Variants in VPS13D observed in about 807,000 individuals in gnomAD.
VPS13D encodes vacuolar protein sorting 13 homolog D, also known as intermembrane lipid transfer protein VPS13D.
A neutral mutation model predicts 461.9 loss-of-function variants in VPS13D; 187 were observed. The ratio of observed to expected loss-of-function variants is 0.40; its 90% confidence interval spans 0.36 to 0.46. The LOEUF (loss-of-function observed/expected upper bound fraction) is 0.46, where lower values mean the gene tolerates loss of function less well. Among genes scored for constraint, VPS13D ranks in the 20% least tolerant of loss-of-function variants. VPS13D has a pLI of 0.60. For missense variants in VPS13D, 4,711 were observed against 5,364.9 expected (o/e 0.88, Z 3.81); for synonymous variants, 1,951 against 1,986.3 (o/e 0.98, Z 0.47).
intron 67 of VPS13D, among the ~76,000 whole-genome samples, chr1:12,474,680 A>AT (rs1645606926): frequency 6.6e-6 from 1 of 152,218 alleles, no homozygotes; most frequent in Admixed American, 6.5e-5. Flanking sequence ...GAAAATGAAC[A>AT]TTTTCTAGAT....
intron 39 of VPS13D, chr1:12,336,100 G>T (rs533071300): frequency 8.6e-6 from 3 of 349,014 alleles, no homozygotes; most frequent in South Asian, 7.0e-5. Context: ...ATATGAACTG[G>T]TGCACCTGAG....
intron 67 of VPS13D, among the ~76,000 whole-genome samples, chr1:12,470,109 A>G (rs1350793874): frequency 6.6e-6 from 1 of 152,222 alleles, no homozygotes; most frequent in Non-Finnish European, 1.5e-5. Context: ...AGATTTCCCC[A>G]AACATACTTC....
intron 17 of VPS13D, among the ~76,000 whole-genome samples, chr1:12,271,548 A>C (rs915903549): frequency 1.3e-5 from 2 of 152,128 alleles, no homozygotes; most frequent in Non-Finnish European, 1.5e-5. Flanking sequence ...GGGTCCCTGT[A>C]ATCCCAGCTG....
Position 12,277,804 on chromosome 1 carries a change from T to C in VPS13D, c.4216T>C (p.Phe1406Leu), listed in dbSNP as rs1310691000. ...ELLVGHLGQI[F>L]IQNFVAGDDE... ...GTTGGTGGGACACTTGGGACAGATATTCATCCAGAATTTTGTGGCGGGAGA... is the reference window on the plus strand; with the variant it reads ...GTTGGTGGGACACTTGGGACAGATACTCATCCAGAATTTTGTGGCGGGAGA... Residue 1406 changes from phenylalanine (F) to leucine (L), a missense_variant, in exon 19 of 70, where the codon TTC becomes CTC. Phe to Leu is a conservative substitution (Grantham distance 22, BLOSUM62 0). Coordinates refer to ENST00000620676, the MANE Select transcript of VPS13D (RefSeq NM_015378.4). 13 of 1,614,184 alleles carry C rather than the reference T, an allele frequency of 8.1e-6. No homozygotes were observed. Among genetic ancestry groups the C allele is most frequent in the South Asian group, 3.3e-5 (3 of 91,076 alleles).
At chr1:12,480,905 C>G (rs1351295431) in intron 67 of VPS13D, among the ~76,000 whole-genome samples, 1 of 152,212 alleles carries the variant, frequency 6.6e-6, no homozygotes, top group Non-Finnish European at 1.5e-5. Context: ...AGAGCAGTAA[C>G]TGAAGACTCA....
At chr1:12,401,118 T>C (rs1460913106) in intron 61 of VPS13D, among the ~76,000 whole-genome samples, 1 of 152,130 alleles carries the variant, frequency 6.6e-6, no homozygotes, top group Non-Finnish European at 1.5e-5. Context: ...ATGATAAACT[T>C]TCTTTCTTGG....
intron 6 of VPS13D, among the ~76,000 whole-genome samples, chr1:12,250,421 G>C (rs546992873): frequency 6.6e-5 from 10 of 152,238 alleles, no homozygotes; most frequent in African/African-American, 2.2e-4. Context: ...AACTTCCAAG[G>C]GTTTTAGGAA....
At chr1:12,307,878 C>T (rs531660404) in intron 26 of VPS13D, among the ~76,000 whole-genome samples, 1 of 152,050 alleles carries the variant, frequency 6.6e-6, no homozygotes, top group Non-Finnish European at 1.5e-5. Flanking sequence ...AAGGATTACT[C>T]AGGTATTTGG....
intron 30 of VPS13D, among the ~76,000 whole-genome samples, chr1:12,316,804 G>A (rs1213717666): frequency 1.4e-5 from 2 of 145,404 alleles, no homozygotes; most frequent in Non-Finnish European, 3.0e-5. Flanking sequence ...CCAGAAAACC[G>A]CATTCAAGTG....
At chr1:12,381,990 CT>C (rs1373348612) in intron 57 of VPS13D, among the ~76,000 whole-genome samples, 3 of 138,598 alleles carry the variant, frequency 2.2e-5, no homozygotes, top group Admixed American at 7.7e-5. Context: ...TTCTCTCTCT[CT>C]CTCTCCTTCC....
In VPS13D at chr1:12,354,080, C is replaced by A; in HGVS notation, c.9538C>A (p.Leu3180Ile). 1 of 1,614,154 alleles carries A rather than the reference C, an allele frequency of 6.2e-7. No individual in the cohort carries two copies. Among genetic ancestry groups the A allele is most frequent in the South Asian group, 1.1e-5 (1 of 91,080 alleles). The part of the protein sequence containing the change: ...IFRQPGHTIY[L>I]LPTVVICNLL... The stretch of plus-strand genomic sequence containing the variant: ...CAGACAGCCTGGGCATACCATATAT[C>A]TCCTGCCAACTGTGGTAATCTGCAA... Residue 3180 changes from leucine to isoleucine, a missense_variant, in exon 47 of 70, where the codon CTC becomes ATC. This residue lies in a region of VPS13D where 4,411 missense variants were observed against 4,937.8 expected (regional missense o/e 0.89). Transcript: ENST00000620676.
Position 12,401,655 on chromosome 1 carries a change from A to T in VPS13D, c.11832A>T (p.Lys3944Asn). 1.9e-6 allele frequency: 3 copies of T among 1,613,616 alleles called. No individual in the cohort carries two copies. Among genetic ancestry groups the T allele is most frequent in the Non-Finnish European group, 2.5e-6 (3 of 1,179,592 alleles). Residue 3944 changes from lysine (K) to asparagine (N), a missense_variant, in exon 62 of 70, where the codon AAA becomes AAT. This residue lies in a region of VPS13D where 4,411 missense variants were observed against 4,937.8 expected (regional missense o/e 0.89). Transcript: ENST00000620676. ...AQRFTVQIEE[K>N]LLLKLLSFFG... ...GATTCACAGTGCAAATTGAGGAGAAACTGCTCCTCAAGCTGCTAAGTTTCT... is the reference window on the plus strand; with the variant it reads ...GATTCACAGTGCAAATTGAGGAGAATCTGCTCCTCAAGCTGCTAAGTTTCT...
At chr1:12,247,886 A>AT (rs573458027) in intron 5 of VPS13D, among the ~76,000 whole-genome samples, 223 of 118,816 alleles carry the variant, frequency 1.9e-3, no homozygotes, top group Middle Eastern at 9.0e-3. Flanking sequence ...GTATTTTTGT[A>AT]TTTTTTTTTT....
chr1:12,303,812 A>G (rs900922556), intron 25 of VPS13D, among the ~76,000 whole-genome samples: 4 of 152,226 alleles, frequency 2.6e-5, no homozygotes, highest in African/African-American at 9.6e-5. Context: ...GGGAAGCTTA[A>G]AAGTCAATTA....
intron 65 of VPS13D, among the ~76,000 whole-genome samples, chr1:12,430,896 G>A (rs2100297270): frequency 1.3e-5 from 2 of 152,354 alleles, no homozygotes; most frequent in Middle Eastern, 6.8e-3. Context: ...TTTGTGTCCA[G>A]TAGAATTAGC....
intron 55 of VPS13D, among the ~76,000 whole-genome samples, chr1:12,374,138 A>G (rs756403737): frequency 5.3e-5 from 8 of 152,264 alleles, no homozygotes; most frequent in Non-Finnish European, 4.4e-5. Flanking sequence ...TAAGCAGACA[A>G]GAACAAATTT....
In VPS13D at chr1:12,379,500, G is replaced by A; in HGVS notation, c.11094G>A (p.Leu3698=). ...AAVTDNRYEP[L]MLRKPDRRRS... ...TTCCGTTTTCCAGATACGAGCCACTGATGCTGAGAAAGCCTGACCGCAGGC... is the reference window on the plus strand; with the variant it reads ...TTCCGTTTTCCAGATACGAGCCACTAATGCTGAGAAAGCCTGACCGCAGGC... The change falls in exon 57 of 70, where the codon CTG becomes CTA. Residue 3698 remains leucine (L), a synonymous_variant. Coordinates refer to ENST00000620676, the MANE Select transcript of VPS13D (RefSeq NM_015378.4). 1 of 1,612,898 alleles carries A rather than the reference G, an allele frequency of 6.2e-7. No homozygotes were observed. Among genetic ancestry groups the A allele is most frequent in the Non-Finnish European group, 8.5e-7 (1 of 1,179,468 alleles).
intron 50 of VPS13D, among the ~76,000 whole-genome samples, chr1:12,360,669 G>A (rs1643934390): frequency 6.6e-6 from 1 of 152,180 alleles, no homozygotes; most frequent in Non-Finnish European, 1.5e-5. Context: ...AGAAGTGATA[G>A]GGTATAGTTC....
rs760273477 is a variant in VPS13D at position 12,244,205 on chromosome 1, A to G, written c.176-41A>G. ...TACCAAAAAATGGAAAGAATTAAAA[A>G]TGTGTACAGATGGTGAACAAGACTT... On this transcript the variant is annotated intron_variant, in intron 3 of 69. Transcript: ENST00000620676. The G allele has an allele frequency of 2.7e-5, 42 of 1,553,032 alleles. No homozygotes were observed. In the East Asian group the frequency reaches 4.1e-4, roughly 15 times the overall value.
Sources: gnomAD v4.1 joint callset for allele counts (sites outside exome capture counted in the v4.1 genomes callset) on GRCh38, gnomAD v4.1.1 for gene constraint, gnomAD v4.1.1 regional missense constraint, MANE v1.5 for transcripts, NCBI Gene and HGNC (gene_info 2026-07-23, HGNC 2026-07-21) for gene names.